ASZ1: variants seen among roughly 807,000 people sequenced by gnomAD.
ASZ1 encodes ankyrin repeat, SAM and basic leucine zipper domain containing 1, also known as ankyrin repeat, SAM and basic leucine zipper domain-containing protein 1.
Under a neutral mutation model 61.8 loss-of-function variants are expected in ASZ1, and 67 were observed. The observed-to-expected ratio is 1.08, with a 90% CI of 0.89 to 1.33. ASZ1 has a LOEUF of 1.33. Ranked by LOEUF, ASZ1 falls within the 40% of genes most tolerant of loss-of-function variation. The probability of loss-of-function intolerance (pLI) is 0.00; values close to 1 mark genes in which losing one functional copy is unlikely to be tolerated. For synonymous variants in ASZ1, 193 were observed against 192.7 expected (o/e 1.00, Z -0.01); for missense variants, 577 against 554.5 (o/e 1.04, Z -0.41).
intron 4 of ASZ1, among the ~76,000 whole-genome samples, chr7:117,394,940 A>G (rs1292969190): frequency 1.3e-5 from 2 of 152,174 alleles, no homozygotes; most frequent in Non-Finnish European, 2.9e-5. Flanking sequence ...TTGTTCAGGA[A>G]TAAAGGCCTT....
intron 4 of ASZ1, among the ~76,000 whole-genome samples, chr7:117,388,824 A>C (rs1325164422): frequency 1.6e-4 from 24 of 152,314 alleles, no homozygotes; most frequent in Non-Finnish European, 1.0e-4. Flanking sequence ...GTAGGCCTCC[A>C]GATGGGAAAA....
At chr7:117,394,056 T>C (rs1796530656) in intron 4 of ASZ1, among the ~76,000 whole-genome samples, 2 of 152,174 alleles carry the variant, frequency 1.3e-5, no homozygotes, top group Middle Eastern at 3.2e-3. Flanking sequence ...ACCAAACTTA[T>C]TATATGATGG....
chr7:117,386,781 G>C (rs1054707307), intron 4 of ASZ1, among the ~76,000 whole-genome samples: 12 of 152,050 alleles, frequency 7.9e-5, no homozygotes, highest in African/African-American at 2.7e-4. Context: ...CCTGAAATCT[G>C]AACACTTCAC....
At chr7:117,380,918 A>G (rs1002961038) in intron 9 of ASZ1, 93 bp downstream of exon 9, 2 of 1,107,248 alleles carry the variant, frequency 1.8e-6, no homozygotes, top group Admixed American at 2.1e-5. Context: ...TCTTTTGTCT[A>G]TAGCCCTGGC....
chr7:117,387,694 T>C (rs1330971198), intron 4 of ASZ1, among the ~76,000 whole-genome samples: 1 of 152,190 alleles, frequency 6.6e-6, no homozygotes, highest in Non-Finnish European at 1.5e-5. Flanking sequence ...CAACATCATC[T>C]TTCTCTGATT....
rs76241408 is a variant in ASZ1, at chr7:117,382,965, A to G, written c.812+21T>C. ...AATTTTACTTATAGGTATTCTGTTG[A>G]ACTAAAACATGCTATATTACCTAAA... On this transcript the variant is annotated intron_variant, in intron 7 of 12. Transcript: ENST00000284629. 704 of 1,531,946 alleles carry G rather than the reference A, an allele frequency of 4.6e-4. 3 individuals are homozygous for G. In the African/African-American group the frequency reaches 8.8e-3, roughly 19 times the overall value. The allele number at this position is 1,531,946 out of a possible 1,614,324, so 94.9% of individuals were successfully genotyped here.
chr7:117,412,077 T>TGTGA (rs1363381420), intron 4 of ASZ1, among the ~76,000 whole-genome samples: 2 of 150,834 alleles, frequency 1.3e-5, no homozygotes, highest in East Asian at 1.9e-4. Context: ...TGTGTGTGTG[T>TGTGA]GTGACTGTGT....
At chr7:117,403,802 G>C (rs1310017391) in intron 4 of ASZ1, among the ~76,000 whole-genome samples, 1 of 152,094 alleles carries the variant, frequency 6.6e-6, no homozygotes. Flanking sequence ...GGCCTGTTAG[G>C]AACTGAGCCG....
chr7:117,417,784 T>G (rs1012474824), intron 4 of ASZ1, among the ~76,000 whole-genome samples: 1 of 152,240 alleles, frequency 6.6e-6, no homozygotes, highest in Non-Finnish European at 1.5e-5. Context: ...ATCTATTAAT[T>G]AAATGCATAT....
chr7:117,367,669 T>C, intron 11 of ASZ1: 2 of 1,041,570 alleles, frequency 1.9e-6, no homozygotes, highest in Non-Finnish European at 2.4e-6. Flanking sequence ...TTCCTGAATA[T>C]ATGTATATAT....
chr7:117,406,083 A>G (rs757373479), intron 4 of ASZ1, among the ~76,000 whole-genome samples: 3 of 152,210 alleles, frequency 2.0e-5, no homozygotes, highest in Non-Finnish European at 4.4e-5. Flanking sequence ...CCATAGGGTC[A>G]TTATCAGAGT....
In ASZ1 at chr7:117,427,027, T is replaced by A. The variant is rs1195601594; in HGVS notation, c.106-92A>T. ...AATAATGTTTGGTTAAGTACACAGGTTTTTTTTCTTGGCTTTATTTTGACT... is the reference window on the plus strand; with the variant it reads ...AATAATGTTTGGTTAAGTACACAGGATTTTTTTCTTGGCTTTATTTTGACT... On this transcript the variant is annotated intron_variant, in intron 1 of 12. Coordinates refer to ENST00000284629, the MANE Select transcript of ASZ1 (RefSeq NM_130768.3). 2.3e-6 allele frequency: 3 copies of A among 1,288,146 alleles called. No homozygotes were observed. In the Admixed American group the frequency reaches 8.2e-5, roughly 35 times the overall value. 79.8% of individuals were successfully genotyped at this position (1,288,146 alleles called of 1,614,324 possible).
At chr7:117,416,232 T>A (rs1584741968) in intron 4 of ASZ1, among the ~76,000 whole-genome samples, 1 of 152,098 alleles carries the variant, frequency 6.6e-6, no homozygotes, top group Admixed American at 6.5e-5. Context: ...GAGTGGATAG[T>A]CAGTGCTTGC....
chr7:117,398,785 G>A (rs2116497157), intron 4 of ASZ1, among the ~76,000 whole-genome samples: 1 of 152,260 alleles, frequency 6.6e-6, no homozygotes, highest in Non-Finnish European at 1.5e-5. Context: ...AATATCTCAT[G>A]AGCTGGTTAA....
At chr7:117,403,685 T>C (rs1796722451) in intron 4 of ASZ1, among the ~76,000 whole-genome samples, 1 of 152,290 alleles carries the variant, frequency 6.6e-6, no homozygotes, top group East Asian at 1.9e-4. Context: ...ATTGCTGTTA[T>C]AGGTCCTTGG....
chr7:117,427,158 T>C (rs890612076), intron 1 of ASZ1, among the ~76,000 whole-genome samples, 198 bp downstream of exon 1: 2 of 152,046 alleles, frequency 1.3e-5, no homozygotes, highest in African/African-American at 4.8e-5. Context: ...TAAAGAAGCG[T>C]ATTTGGTGGT....
intron 4 of ASZ1, among the ~76,000 whole-genome samples, chr7:117,414,316 CA>C (rs941701863): frequency 6.6e-6 from 1 of 151,578 alleles, no homozygotes; most frequent in Non-Finnish European, 1.5e-5. Flanking sequence ...AAAATTTTTG[CA>C]AAAAACATTG....
chr7:117,371,857 C>T (rs1373100643), intron 10 of ASZ1, among the ~76,000 whole-genome samples: 1 of 152,102 alleles, frequency 6.6e-6, no homozygotes, highest in African/African-American at 2.4e-5. Flanking sequence ...ACAGGTGATT[C>T]ACAAATATAT....
chr7:117,370,804 T>TTTTGTGTGTGTG (rs1554359888), intron 10 of ASZ1, among the ~76,000 whole-genome samples: 1 of 133,228 alleles, frequency 7.5e-6, no homozygotes, highest in Non-Finnish European at 1.6e-5. Context: ...CCAAAGGTAA[T>TTTTGTGTGTGTG]TGTGTGTGTG....
Sources: allele counts gnomAD v4.1 joint callset (sites outside exome capture counted in the v4.1 genomes callset), GRCh38; gene constraint gnomAD v4.1.1; transcripts MANE v1.5; gene names NCBI Gene and HGNC (gene_info 2026-07-23, HGNC 2026-07-21).